SSBP3: variants seen among roughly 807,000 people sequenced by gnomAD.
The protein encoded by SSBP3 is single stranded DNA binding protein 3.
A neutral mutation model predicts 69.6 loss-of-function variants in SSBP3; 5 were observed. The observed-to-expected ratio is 0.07, with a 90% CI of 0.04 to 0.15. The LOEUF is 0.15. SSBP3 is among the 10% of genes least tolerant of loss of function. The probability of loss-of-function intolerance (pLI) is 1.00; values close to 1 mark genes in which losing one functional copy is unlikely to be tolerated. For missense variants in SSBP3, 312 were observed against 534.0 expected, an observed-to-expected ratio of 0.58 and a Z score of 4.10; for synonymous variants, 196 against 193.4, an observed-to-expected ratio of 1.01 and a Z score of -0.11.
At chr1:54,261,649 T>C (rs975390211) in intron 5 of SSBP3, among the ~76,000 whole-genome samples, 1 of 152,154 alleles carries the variant, frequency 6.6e-6, no homozygotes, top group Non-Finnish European at 1.5e-5. Flanking sequence ...GAACCCAAAA[T>C]GGGTGCATCT....
intron 13 of SSBP3, among the ~76,000 whole-genome samples, chr1:54,240,475 G>GC (rs1233777078): frequency 4.9e-4 from 49 of 99,024 alleles, no homozygotes; most frequent in Admixed American, 4.3e-3. Flanking sequence ...AAAAAAAAGG[G>GC]GGGGGGGGCG....
chr1:54,345,141 C>T (rs1435232160), intron 4 of SSBP3, among the ~76,000 whole-genome samples: 1 of 152,158 alleles, frequency 6.6e-6, no homozygotes, highest in South Asian at 2.1e-4. Flanking sequence ...GGCCAGCAGG[C>T]TCAGTCTCAG....
chr1:54,240,233 TG>T (rs1190559769), intron 13 of SSBP3, among the ~76,000 whole-genome samples: 1 of 149,654 alleles, frequency 6.7e-6, no homozygotes, highest in Non-Finnish European at 1.5e-5. Context: ...CTGAGGCGGG[TG>T]GATCACCTGA....
In SSBP3 at chr1:54,384,105, C is replaced by CA. The variant is rs34137070; in HGVS notation, c.276+17755dup. Among the ~76,000 whole-genome samples, 861 of 94,024 alleles carry CA rather than the reference C, an allele frequency of 9.2e-3. 12 individuals are homozygous for CA. The highest frequency in any genetic ancestry group is 0.013 in the Non-Finnish European group (634 of 47,204). The allele number at this position is 94,024 out of a possible 152,430, so 61.7% of individuals were successfully genotyped here. ...TGGGCAACAGTGCAAGACTCCATCT[C>CA]AAAAAAAAAAAAAAAAAAAAGCAAG... On this transcript the variant is annotated intron_variant, in intron 4 of 17. Transcript: ENST00000610401.
At chr1:54,249,716 A>T (rs1384926889) in intron 9 of SSBP3, among the ~76,000 whole-genome samples, 4 of 114,762 alleles carry the variant, frequency 3.5e-5, no homozygotes, top group African/African-American at 7.6e-5. Context: ...TAAAAAATTT[A>T]AAAAAACTTT....
At chr1:54,348,869 T>C (rs1646734499) in intron 4 of SSBP3, among the ~76,000 whole-genome samples, 2 of 152,140 alleles carry the variant, frequency 1.3e-5, no homozygotes, top group South Asian at 2.1e-4. Context: ...CTCCTTGCTC[T>C]GGCACTCACC....
intron 5 of SSBP3, among the ~76,000 whole-genome samples, chr1:54,259,659 C>G (rs1644984351): frequency 6.6e-6 from 1 of 152,246 alleles, no homozygotes; most frequent in South Asian, 2.1e-4. Flanking sequence ...TCCTGCAGAG[C>G]CAGGCTGCCA....
At chr1:54,392,217 G>C (rs966868511) in intron 4 of SSBP3, among the ~76,000 whole-genome samples, 3 of 152,124 alleles carry the variant, frequency 2.0e-5, no homozygotes, top group African/African-American at 7.2e-5. Context: ...CACAACATGT[G>C]GTGGGGAAAC....
rs568105245 is a variant in SSBP3, at chr1:54,390,195, G to T, written c.276+11666C>A. Among the ~76,000 whole-genome samples the T allele has an allele frequency of 2.0e-5, 3 of 152,266 alleles. No homozygotes were observed. In the South Asian group the frequency reaches 6.2e-4, roughly 32 times the overall value. On this transcript the variant is annotated intron_variant, in intron 4 of 17. Coordinates refer to ENST00000610401, the Ensembl canonical transcript of SSBP3. Reference sequence around the variant, plus strand: ...TGCCTTTTAAGGGTCTGAACACATAGTAAGTGCTCAATAAGCACTGGTTTG... The same window carrying T: ...TGCCTTTTAAGGGTCTGAACACATATTAAGTGCTCAATAAGCACTGGTTTG...
chr1:54,399,525 A>G (rs1052335410), intron 4 of SSBP3, among the ~76,000 whole-genome samples: 1 of 152,222 alleles, frequency 6.6e-6, no homozygotes, highest in Non-Finnish European at 1.5e-5. Flanking sequence ...GAGGCTTTGT[A>G]TAGGTGGTTT....
intron 4 of SSBP3, among the ~76,000 whole-genome samples, chr1:54,304,438 C>T (rs1052477563): frequency 1.1e-4 from 17 of 152,278 alleles, no homozygotes; most frequent in East Asian, 5.8e-4. Flanking sequence ...AGGACCAGGG[C>T]GTCTTCTGGG....
intron 4 of SSBP3, among the ~76,000 whole-genome samples, chr1:54,314,125 C>G (rs896398892): frequency 6.6e-6 from 1 of 152,108 alleles, no homozygotes; most frequent in Admixed American, 6.6e-5. Context: ...TGGGAGCCAG[C>G]CAAGGGGGGC....
chr1:54,404,710 G>A (rs566712581), intron 2 of SSBP3, 73 bp from the exon 3 acceptor site: 44 of 1,562,242 alleles, frequency 2.8e-5, no homozygotes, highest in South Asian at 1.4e-4. Flanking sequence ...AGAGCCAAAA[G>A]GCTAGGAAGA....
At chr1:54,268,693 G>C (rs1418688909) in intron 5 of SSBP3, among the ~76,000 whole-genome samples, 3 of 152,176 alleles carry the variant, frequency 2.0e-5, no homozygotes, top group African/African-American at 7.2e-5. Flanking sequence ...TTTCCTCCCT[G>C]AGGAGCTTGG....
chr1:54,327,636 G>C (rs1646334706), intron 4 of SSBP3, among the ~76,000 whole-genome samples: 2 of 152,178 alleles, frequency 1.3e-5, no homozygotes, highest in Admixed American at 1.3e-4. Context: ...GGCAACAAAA[G>C]TGAGGGCAGA....
chr1:54,402,325 G>C (rs995237321), intron 3 of SSBP3, among the ~76,000 whole-genome samples: 1 of 152,172 alleles, frequency 6.6e-6, no homozygotes, highest in African/African-American at 2.4e-5. Context: ...CGCAAATGTG[G>C]ACGAGAATCC....
chr1:54,260,537 CT>C (rs1645000005), intron 5 of SSBP3, among the ~76,000 whole-genome samples: 1 of 152,232 alleles, frequency 6.6e-6, no homozygotes, highest in Non-Finnish European at 1.5e-5. Flanking sequence ...CCGGGGTCTG[CT>C]GAGATCCAGA....
intron 4 of SSBP3, among the ~76,000 whole-genome samples, chr1:54,303,078 A>C (rs932307155): frequency 6.6e-6 from 1 of 152,234 alleles, no homozygotes; most frequent in Admixed American, 6.5e-5. Flanking sequence ...AATAAAGTAC[A>C]CGCTGTACAA....
In SSBP3 at chr1:54,235,448, A is replaced by ATTTTTTTTTTTTTTT. The variant is rs71580002; in HGVS notation, c.927+3666_927+3680dup. Among the ~76,000 whole-genome samples, 47 of 69,920 alleles carry ATTTTTTTTTTTTTTT rather than the reference A, an allele frequency of 6.7e-4. 1 individual carries two copies. Among genetic ancestry groups the ATTTTTTTTTTTTTTT allele is most frequent in the African/African-American group, 1.9e-3 (29 of 15,242 alleles). 45.9% of individuals were successfully genotyped at this position (69,920 alleles called of 152,430 possible). On this transcript the variant is annotated intron_variant, in intron 14 of 17. Coordinates refer to ENST00000610401, the Ensembl canonical transcript of SSBP3. ...AGGCGTGTACCACCATGCCCGGCTG[A>ATTTTTTTTTTTTTTT]TTTTTTTTTTTTTTTTTTTTTTTTT...
Sources: gnomAD v4.1 joint callset for allele counts (sites outside exome capture counted in the v4.1 genomes callset) on GRCh38, gnomAD v4.1.1 for gene constraint, MANE v1.5 for transcripts, NCBI Gene and HGNC (gene_info 2026-07-23, HGNC 2026-07-21) for gene names.